The following KNL1 variants were observed in gnomAD, a reference collection of about 807,000 sequenced individuals.
KNL1 encodes the protein kinetochore scaffold 1.
KNL1 carries 66 observed loss-of-function variants against 201.3 expected under a neutral mutation model. The observed-to-expected ratio is 0.33, with a 90% CI of 0.27 to 0.40. KNL1 has a LOEUF of 0.40. Ranked by LOEUF, KNL1 falls within the 10% of genes least tolerant of loss-of-function variation. The pLI is 1.00. For synonymous variants in KNL1, 895 were observed against 899.2 expected (o/e 1.00, Z 0.08); for missense variants, 2,815 against 2,690.5 (o/e 1.05, Z -1.02).
chr15:40,622,491 C>T lies in KNL1; in HGVS notation c.2227C>T (p.Pro743Ser), dbSNP rs753586729. Residue 743 changes from proline (P) to serine (S), a missense_variant, in exon 10 of 26, where the codon CCC becomes TCC. Around this residue, in one of 3 missense-constraint regions of KNL1, gnomAD observed 2,464 missense variants for 2,291.7 expected, o/e 1.08. Coordinates refer to ENST00000399668, the MANE Select transcript of KNL1 (RefSeq NM_144508.5). ...AEPLRKSLSN[P>S]TPDYCHDKMI... The stretch of plus-strand genomic sequence containing the variant: ...GCCACTGAGGAAAAGTTTAAGCAAT[C>T]CCACACCTGACTATTGCCATGACAA... The T allele has an allele frequency of 1.3e-5, 21 of 1,613,950 alleles. No homozygotes were observed. The highest frequency in any genetic ancestry group is 1.8e-5 in the Non-Finnish European group (21 of 1,179,918).
chr15:40,644,916 TCTTTC>T (rs1368234500), intron 14 of KNL1, 76 bp from the exon 15 acceptor site: 2 of 803,152 alleles, frequency 2.5e-6, no homozygotes, highest in Non-Finnish European at 4.0e-6. Flanking sequence ...GTCTCTTACG[TCTTTC>T]CTTTCTACAT....
At chr15:40,599,153 A>G (rs2141692822) in intron 1 of KNL1, among the ~76,000 whole-genome samples, 1 of 151,578 alleles carries the variant, frequency 6.6e-6, no homozygotes, top group East Asian at 2.0e-4. Flanking sequence ...TTAAAAAAAG[A>G]GTATTTTTCA....
chr15:40,617,187 G>T (rs1233962696), intron 8 of KNL1, among the ~76,000 whole-genome samples: 1 of 152,146 alleles, frequency 6.6e-6, no homozygotes, highest in African/African-American at 2.4e-5. Flanking sequence ...GACCTCAGAT[G>T]ATCCACCGCC....
Position 40,621,820 on chromosome 15 carries a change from T to G in KNL1, c.1556T>G (p.Met519Arg), listed in dbSNP as rs757083112. The G allele has an allele frequency of 1.2e-6, 2 of 1,613,568 alleles. No homozygotes were observed. Among genetic ancestry groups the G allele is most frequent in the South Asian group, 1.1e-5 (1 of 91,070 alleles). The change falls in exon 10 of 26, where the codon ATG becomes AGG. Residue 519 changes from methionine (M) to arginine (R), a missense_variant. Coordinates refer to ENST00000399668, the MANE Select transcript of KNL1 (RefSeq NM_144508.5). ...AAAPTPEKEM[M>R]LQNLMTTSED... is the part of the protein sequence containing the mutation. ...GCACCAACACCCGAAAAAGAAATGA[T>G]GCTCCAAAATCTTATGACCACATCA...
chr15:40,660,122 A>G (rs114949377), intron 25 of KNL1, among the ~76,000 whole-genome samples: 2,007 of 150,964 alleles, frequency 0.013, 44 homozygotes, highest in African/African-American at 0.046. Flanking sequence ...ATGTTGGCCT[A>G]GGTGGTCTTG....
rs372672562 is a variant in KNL1 at position 40,622,879 on chromosome 15, T to C, written c.2615T>C (p.Met872Thr). Residue 872 changes from methionine to threonine, a missense_variant, in exon 10 of 26, where the codon ATG (methionine) becomes ACG (threonine). Physicochemically the swap from Met to Thr is moderately conservative, Grantham distance 81. Coordinates refer to ENST00000399668, the MANE Select transcript of KNL1 (RefSeq NM_144508.5). ...IVFSEDDKNDMDITKSYTIEI... is the reference protein window; with the variant it reads ...IVFSEDDKNDTDITKSYTIEI... ...TTTTCAGAAGACGATAAGAATGATA[T>C]GGATATCACTAAGAGTTATACAATA... is the stretch of plus-strand genomic sequence containing the variant. 4.2e-5 allele frequency: 67 copies of C among 1,612,772 alleles called. No homozygotes were observed. The Middle Eastern group carries it at 9.9e-4, about 24-fold the overall frequency.
chr15:40,605,048 A>T, intron 2 of KNL1, 62 bp from the exon 3 acceptor site: 1 of 864,206 alleles, frequency 1.2e-6, no homozygotes, highest in Non-Finnish European at 2.0e-6. Context: ...TGCTGTGATG[A>T]TGCCTTTTGT....
intron 14 of KNL1, chr15:40,643,046 A>G (rs1195780460): frequency 6.6e-6 from 1 of 152,186 alleles, no homozygotes; most frequent in Non-Finnish European, 1.5e-5. Flanking sequence ...GAGATATTCT[A>G]TCTCTGTTAG....
In KNL1 at chr15:40,663,294, C is replaced by G. The variant is rs931096236; in HGVS notation, c.*1106C>G. 5.8e-6 allele frequency: 1 copy of G among 171,984 alleles called. No individual in the cohort carries two copies. The highest frequency in any genetic ancestry group is 1.3e-5 in the Non-Finnish European group (1 of 79,416). 10.7% of individuals were successfully genotyped at this position (171,984 alleles called of 1,614,324 possible). Reference sequence around the variant, plus strand: ...CAGGATGGTCTCGATCTCCTGACCTCGTGATCCGCCTGCCTCGGCTTCAAA... The same window carrying G: ...CAGGATGGTCTCGATCTCCTGACCTGGTGATCCGCCTGCCTCGGCTTCAAA... On this transcript the variant is annotated 3_prime_UTR_variant, in exon 26 of 26. Coordinates refer to ENST00000399668, the MANE Select transcript of KNL1 (RefSeq NM_144508.5).
chr15:40,598,357 G>T (rs775106624), intron 1 of KNL1, among the ~76,000 whole-genome samples: 51 of 151,964 alleles, frequency 3.4e-4, no homozygotes, highest in Non-Finnish European at 6.2e-4. Context: ...ATTGCTTGAG[G>T]CCAGGAGCTC....
intron 19 of KNL1, 58 bp downstream of exon 19, chr15:40,650,641 A>T: frequency 2.1e-6 from 3 of 1,430,426 alleles, no homozygotes. Flanking sequence ...AGGCTAGATG[A>T]CTTCCTGCCT....
chr15:40,602,325 A>C (rs1159013387), intron 1 of KNL1, among the ~76,000 whole-genome samples: 4 of 129,286 alleles, frequency 3.1e-5, no homozygotes, highest in East Asian at 2.3e-4. Context: ...TTCAGTAGAG[A>C]CGGGGTTTCA....
At chr15:40,652,394 TTCTTTTC>T (rs1893591769) in intron 21 of KNL1, among the ~76,000 whole-genome samples, 1 of 152,164 alleles carries the variant, frequency 6.6e-6, no homozygotes, top group Admixed American at 6.5e-5. Flanking sequence ...ATGAGTTTCT[TTCTTTTC>T]ATCTCCATCT....
chr15:40,620,635 T>C lies in KNL1; in HGVS notation c.376-5T>C. 1 of 1,540,812 alleles carries C rather than the reference T, an allele frequency of 6.5e-7. No homozygotes were observed. The highest frequency in any genetic ancestry group is 8.7e-7 in the Non-Finnish European group (1 of 1,146,470). On this transcript the variant is annotated splice_polypyrimidine_tract_variant and splice_region_variant and intron_variant, in intron 9 of 25. Coordinates refer to ENST00000399668, the MANE Select transcript of KNL1 (RefSeq NM_144508.5). ...CTGATCTCTTATATTTTGCTTTCAT[T>C]ATAGTTTTCAATTATAGAACATACC... is the stretch of plus-strand genomic sequence containing the variant.
chr15:40,659,471 G>A lies in KNL1; in HGVS notation c.6836+10G>A, dbSNP rs774623411. 1.2e-5 allele frequency: 19 copies of A among 1,610,616 alleles called. No homozygotes were observed. The highest frequency in any genetic ancestry group is 1.5e-5 in the Non-Finnish European group (18 of 1,178,432). On this transcript the variant is annotated intron_variant, in intron 25 of 25. Coordinates refer to ENST00000399668, the MANE Select transcript of KNL1 (RefSeq NM_144508.5). ...ACGTTGGGAACACTAGGTGAGTAAA[G>A]GGCCAACAGGGTAAGACTCTGGGCT...
At position 40,663,706 on chromosome 15, in the gene KNL1, G is replaced by A. The variant is rs1266059881; in HGVS notation, c.*1518G>A. The A allele has an allele frequency of 3.1e-5, 6 of 193,716 alleles. No individual in the cohort carries two copies. The highest frequency in any genetic ancestry group is 6.1e-5 in the Admixed American group (1 of 16,394). 12.0% of individuals were successfully genotyped at this position (193,716 alleles called of 1,614,324 possible). A position where few individuals can be genotyped will look rare whatever the true frequency, so the allele number is the denominator to read the frequency against. On this transcript the variant is annotated 3_prime_UTR_variant, in exon 26 of 26. Transcript: ENST00000399668. ...CATATTATTAAATGACCAATATTAT[G>A]TATGAAGTAGACAAAAAAATTTACT...
Position 40,624,135 on chromosome 15 carries a change from C to T in KNL1, c.3871C>T (p.His1291Tyr), listed in dbSNP as rs1267951702. The T allele has an allele frequency of 1.2e-6, 2 of 1,614,000 alleles. No individual in the cohort carries two copies. Among genetic ancestry groups the T allele is most frequent in the South Asian group, 1.1e-5 (1 of 91,068 alleles). ...AAGAAATGTGGACTTTACAAGTAGT[C>T]ATGCAACTGCTGTTTGTGGATCCAG... ...DRRNVDFTSSHATAVCGSSDN... is the reference protein window; with the variant it reads ...DRRNVDFTSSYATAVCGSSDN... Residue 1291 changes from histidine (H) to tyrosine (Y), a missense_variant, in exon 10 of 26, where the codon CAT becomes TAT. Physicochemically the swap from His to Tyr is moderately conservative, Grantham distance 83 (BLOSUM62 2). Around this residue, in one of 3 missense-constraint regions of KNL1, gnomAD observed 2,464 missense variants for 2,291.7 expected, o/e 1.08. Transcript: ENST00000399668.
chr15:40,632,008 C>CAA (rs1335544344), intron 13 of KNL1, among the ~76,000 whole-genome samples: 7 of 88,950 alleles, frequency 7.9e-5, no homozygotes, highest in South Asian at 3.6e-4. Flanking sequence ...GACCCTATCT[C>CAA]AAAAAAAAAA....
At chr15:40,613,124 T>G (rs1021541547) in intron 7 of KNL1, among the ~76,000 whole-genome samples, 1 of 152,172 alleles carries the variant, frequency 6.6e-6, no homozygotes, top group African/African-American at 2.4e-5. Flanking sequence ...TAATTGACTA[T>G]GCAGCCGGAA....
Sources: allele counts gnomAD v4.1 joint callset (sites outside exome capture counted in the v4.1 genomes callset), GRCh38; gene constraint gnomAD v4.1.1; regional missense constraint gnomAD v4.1.1; transcripts MANE v1.5; gene names NCBI Gene and HGNC (gene_info 2026-07-23, HGNC 2026-07-21).